Variants in BCL11A observed in about 807,000 individuals in gnomAD.
BCL11A encodes BCL11 transcription factor A.
BCL11A carries 2 observed loss-of-function variants against 55.9 expected under a neutral mutation model. That is an observed-to-expected ratio of 0.04 (90% confidence interval 0.01 to 0.11). The LOEUF is 0.11. Among genes scored for constraint, BCL11A ranks in the 10% least tolerant of loss-of-function variants. The pLI is 1.00. For synonymous variants in BCL11A, 465 were observed against 473.4 expected (o/e 0.98, Z 0.23); for missense variants, 817 against 1,137.1 (o/e 0.72, Z 4.05).
At chr2:60,464,396 C>A (rs1194669553) in intron 3 of BCL11A, among the ~76,000 whole-genome samples, 1 of 152,018 alleles carries the variant, frequency 6.6e-6, no homozygotes, top group Admixed American at 6.6e-5. Flanking sequence ...AACTTGGGTC[C>A]CAAATAGGCT....
intron 2 of BCL11A, among the ~76,000 whole-genome samples, chr2:60,504,536 G>A (rs757922391): frequency 3.3e-5 from 5 of 152,090 alleles, no homozygotes; most frequent in Admixed American, 2.0e-4. Flanking sequence ...GCTCAGCATC[G>A]GGACACCCAG....
At chr2:60,500,212 G>A (rs747494992) in intron 2 of BCL11A, among the ~76,000 whole-genome samples, 2 of 152,232 alleles carry the variant, frequency 1.3e-5, no homozygotes, top group Non-Finnish European at 2.9e-5. Context: ...CAAAGCTGTG[G>A]GGGCAGCACA....
intron 2 of BCL11A, among the ~76,000 whole-genome samples, chr2:60,505,352 C>G (rs1679526510): frequency 6.6e-6 from 1 of 152,200 alleles, no homozygotes; most frequent in African/African-American, 2.4e-5. Context: ...AATAACAGCC[C>G]CAAAAGAACA....
intron 2 of BCL11A, among the ~76,000 whole-genome samples, chr2:60,485,610 G>A (rs568038686): frequency 4.6e-5 from 7 of 152,256 alleles, no homozygotes; most frequent in Admixed American, 1.3e-4. Context: ...TCCATCCAAC[G>A]TCACGAAGCT....
chr2:60,456,068 G>A (rs990781748), downstream of BCL11A, among the ~76,000 whole-genome samples: 1 of 152,008 alleles, frequency 6.6e-6, no homozygotes, highest in Non-Finnish European at 1.5e-5. Context: ...TGGCTTTTCA[G>A]AAAACATTGA....
At chr2:60,519,813 C>T (rs922724261) in intron 2 of BCL11A, among the ~76,000 whole-genome samples, 1 of 152,196 alleles carries the variant, frequency 6.6e-6, no homozygotes, top group Non-Finnish European at 1.5e-5. Flanking sequence ...TCCTAAATTA[C>T]TCCAATGACA....
chr2:60,532,500 TC>T (rs1050286567), intron 2 of BCL11A, among the ~76,000 whole-genome samples: 4 of 152,004 alleles, frequency 2.6e-5, no homozygotes, highest in Non-Finnish European at 5.9e-5. Context: ...TGATTTGGTT[TC>T]CCCCTTACAA....
intron 2 of BCL11A, among the ~76,000 whole-genome samples, chr2:60,501,583 C>T (rs1408695458): frequency 6.9e-6 from 1 of 144,314 alleles, no homozygotes; most frequent in Non-Finnish European, 1.5e-5. Context: ...GATCTCGGCT[C>T]ACCACCTCTG....
At chr2:60,477,596 A>AAAAG (rs751672151) in intron 2 of BCL11A, among the ~76,000 whole-genome samples, 79 of 133,178 alleles carry the variant, frequency 5.9e-4, no homozygotes, top group Non-Finnish European at 9.1e-4. Flanking sequence ...AACTTAGAGT[A>AAAAG]AAATAAATAA....
intron 2 of BCL11A, among the ~76,000 whole-genome samples, chr2:60,470,119 T>G (rs1180795353): frequency 6.6e-6 from 1 of 152,102 alleles, no homozygotes; most frequent in Non-Finnish European, 1.5e-5. Context: ...AACGATGGTG[T>G]GCTGCTGAGA....
chr2:60,513,256 CCA>C (rs1322692884), intron 2 of BCL11A, among the ~76,000 whole-genome samples: 1 of 152,138 alleles, frequency 6.6e-6, no homozygotes, highest in Non-Finnish European at 1.5e-5. Flanking sequence ...GCCCCGGACT[CCA>C]GTCTCTGCAG....
rs373435871 is a variant in BCL11A, at chr2:60,461,076, C to A, written c.1836G>T (p.Ser612=). 15 of 1,602,132 alleles carry A rather than the reference C, an allele frequency of 9.4e-6. No homozygotes were observed. In the African/African-American group the frequency reaches 1.5e-4, roughly 16 times the overall value. ...GCTTTTTGGACAGGCCCCCCGAGGC[C>A]GACTCGCCCGGGGAGCAGCCGCGGC... is the stretch of plus-strand genomic sequence containing the variant. The part of the protein sequence containing the change: ...VNGRGCSPGE[S]ASGGLSKKLL... Residue 612 remains serine (S), a synonymous_variant, in exon 4 of 4, where the codon TCG becomes TCT. Transcript: ENST00000642384.
intron 2 of BCL11A, among the ~76,000 whole-genome samples, chr2:60,485,840 G>C (rs1043907633): frequency 6.6e-6 from 1 of 152,142 alleles, no homozygotes; most frequent in Non-Finnish European, 1.5e-5. Flanking sequence ...CCCAGAAGTA[G>C]CCCTTCACCA....
chr2:60,483,400 G>A (rs1678071424), intron 2 of BCL11A, among the ~76,000 whole-genome samples: 1 of 152,208 alleles, frequency 6.6e-6, no homozygotes, highest in African/African-American at 2.4e-5. Flanking sequence ...AAGATCCCTG[G>A]CCAAGGTCAG....
rs1172743050 is a variant in BCL11A, at chr2:60,460,202, A to C, written c.*202T>G. 1 of 1,307,004 alleles carries C rather than the reference A, an allele frequency of 7.7e-7. No individual in the cohort carries two copies. The highest frequency in any genetic ancestry group is 1.5e-5 in the African/African-American group (1 of 65,960). 81.0% of individuals were successfully genotyped at this position (1,307,004 alleles called of 1,614,324 possible). A position where few individuals can be genotyped will look rare whatever the true frequency, so the allele number is the denominator to read the frequency against. On this transcript the variant is annotated 3_prime_UTR_variant, in exon 4 of 4. Coordinates refer to ENST00000642384, the MANE Select transcript of BCL11A (RefSeq NM_022893.4). ...AAAAAAGGAAAAAGAAAAAAGAAAAAGAAAAAGAAAAAAAACAGGTGTGCT... is the reference window on the plus strand; with the variant it reads ...AAAAAAGGAAAAAGAAAAAAGAAAACGAAAAAGAAAAAAAACAGGTGTGCT...
chr2:60,460,449 T>G lies in BCL11A; in HGVS notation c.2463A>C (p.Lys821Asn). ...TATTCAACACTCGATCACTGTGCCA[T>G]TTTTTCATGTGTTTCTCCAGGGTAC... ...VYSTLEKHMK[K>N]WHSDRVLNND... Residue 821 changes from lysine (K) to asparagine (N), a missense_variant, in exon 4 of 4, where the codon AAA becomes AAC. By Grantham distance (94) the Lys-to-Asn change is moderately conservative. Transcript: ENST00000642384. The G allele has an allele frequency of 6.2e-7, 1 of 1,608,236 alleles. No individual in the cohort carries two copies. The highest frequency in any genetic ancestry group is 8.5e-7 in the Non-Finnish European group (1 of 1,175,078).
chr2:60,468,128 G>GTGATGGTAC (rs1429869352), intron 3 of BCL11A, among the ~76,000 whole-genome samples: 10 of 147,688 alleles, frequency 6.8e-5, no homozygotes, highest in South Asian at 2.3e-4. Context: ...GGTTGTGGTG[G>GTGATGGTAC]TGGTGGTGAT....
chr2:60,492,055 G>A (rs71526488), intron 2 of BCL11A, among the ~76,000 whole-genome samples: 2,554 of 152,284 alleles, frequency 0.017, 23 homozygotes, highest in Non-Finnish European at 0.027. Context: ...TAGCATCTCC[G>A]CTTAAGGAGA....
In BCL11A at chr2:60,457,755, A is replaced by G. The variant is rs1676013294; in HGVS notation, c.*2649T>C. ...GCTGGAATGTAGGGTGATAGAAGGA[A>G]AGGGACAAAAAGCACACTACATAAC... is the stretch of plus-strand genomic sequence containing the variant. On this transcript the variant is annotated 3_prime_UTR_variant, in exon 4 of 4. Coordinates refer to ENST00000642384, the MANE Select transcript of BCL11A (RefSeq NM_022893.4). 7.7e-6 allele frequency: 8 copies of G among 1,036,604 alleles called. No individual in the cohort carries two copies. Among genetic ancestry groups the G allele is most frequent in the Non-Finnish European group, 9.3e-6 (8 of 860,996 alleles). The allele number at this position is 1,036,604 out of a possible 1,614,324, so 64.2% of individuals were successfully genotyped here. A position where few individuals can be genotyped will look rare whatever the true frequency, so the allele number is the denominator to read the frequency against.
Sources: allele counts gnomAD v4.1 joint callset (sites outside exome capture counted in the v4.1 genomes callset), GRCh38; gene constraint gnomAD v4.1.1; transcripts MANE v1.5; gene names NCBI Gene and HGNC (gene_info 2026-07-23, HGNC 2026-07-21).